Variants in DCAKD observed in about 807,000 individuals in gnomAD.
The protein encoded by DCAKD is dephospho-CoA kinase domain containing, also known as dephospho-CoA kinase domain-containing protein.
In DCAKD, 15 loss-of-function variants were observed where a neutral mutation model predicts 18.7. The ratio of observed to expected loss-of-function variants is 0.80; its 90% confidence interval spans 0.54 to 1.24. The LOEUF (loss-of-function observed/expected upper bound fraction) is 1.24. Among genes scored for constraint, DCAKD ranks in the 50% most tolerant of loss-of-function variants. The pLI is 0.00. For missense variants in DCAKD, 301 were observed against 322.0 expected (o/e 0.93, Z 0.50); for synonymous variants, 130 against 133.0 (o/e 0.98, Z 0.16).
Position 45,029,961 on chromosome 17 carries a change from G to T in DCAKD, c.404+131C>A. On this transcript the variant is annotated intron_variant, in intron 4 of 4. Coordinates refer to ENST00000651974, the MANE Select transcript of DCAKD (RefSeq NM_001288655.2). ...ACAAAGGTTGGTTTCTACAGACCCT[G>T]AGCACTGCTGCCCAAACCCCCATGC... 3 of 811,984 alleles carry T rather than the reference G, an allele frequency of 3.7e-6. No homozygotes were observed. In the Admixed American group the frequency reaches 5.3e-5, roughly 14 times the overall value. The allele number at this position is 811,984 out of a possible 1,614,324, so 50.3% of individuals were successfully genotyped here.
intron 1 of DCAKD, among the ~76,000 whole-genome samples, chr17:45,039,963 C>T (rs113096033): frequency 0.011 from 1,665 of 152,042 alleles, 30 homozygotes; most frequent in African/African-American, 0.038. Flanking sequence ...CGTGGTGGTG[C>T]ATGCCTGTAA....
chr17:45,047,090 C>T (rs2053586419), intron 1 of DCAKD, among the ~76,000 whole-genome samples: 1 of 150,960 alleles, frequency 6.6e-6, no homozygotes, highest in Non-Finnish European at 1.5e-5. Context: ...ATTTTTCGGC[C>T]CATAATTCAG....
At chr17:45,040,820 A>C (rs1270769119) in intron 1 of DCAKD, among the ~76,000 whole-genome samples, 1 of 152,172 alleles carries the variant, frequency 6.6e-6, no homozygotes, top group Non-Finnish European at 1.5e-5. Flanking sequence ...TGTGCTCCAC[A>C]AGTGGTGGGC....
rs749261104 is a variant in DCAKD at position 45,024,554 on chromosome 17, A to G, written c.575T>C (p.Leu192Ser). ...CAGGGAGCGCTCCAGCTCAGTGTGC[A>G]AGAGGATGACCTGGCGTTTGGTGAC... ...WSVTKRQVIL[L>S]HTELERSLEY... is the part of the protein sequence containing the mutation. The change falls in exon 5 of 5, where the codon TTG becomes TCG. Residue 192 changes from leucine to serine, a missense_variant. Physicochemically the swap from Leu to Ser is moderately radical, Grantham distance 145. Coordinates refer to ENST00000651974, the MANE Select transcript of DCAKD (RefSeq NM_001288655.2). 7 of 1,614,036 alleles carry G rather than the reference A, an allele frequency of 4.3e-6. No individual in the cohort carries two copies. The highest frequency in any genetic ancestry group is 5.9e-6 in the Non-Finnish European group (7 of 1,180,028).
intron 3 of DCAKD, among the ~76,000 whole-genome samples, chr17:45,032,720 T>C (rs1597949966): frequency 1.3e-5 from 2 of 149,790 alleles, no homozygotes; most frequent in South Asian, 2.1e-4. Flanking sequence ...GGAAGGGAGG[T>C]TGCAGTGAGC....
At chr17:45,057,184 T>C (rs2053790562) in intron 1 of DCAKD, among the ~76,000 whole-genome samples, 1 of 151,930 alleles carries the variant, frequency 6.6e-6, no homozygotes. Context: ...GCTAGAACCA[T>C]AGGTGCATGC....
intron 1 of DCAKD, among the ~76,000 whole-genome samples, chr17:45,047,921 C>T (rs755891427): frequency 6.6e-6 from 1 of 152,102 alleles, no homozygotes; most frequent in African/African-American, 2.4e-5. Context: ...GAGAAATACT[C>T]AAATAAAACT....
At chr17:45,054,311 G>C (rs1420891536), upstream of DCAKD, among the ~76,000 whole-genome samples, 3 of 151,548 alleles carry the variant, frequency 2.0e-5, no homozygotes, top group African/African-American at 7.3e-5. Context: ...ACAATGGCGT[G>C]ATCTCAGCTC....
At chr17:45,027,205 A>G (rs2053074312) in intron 4 of DCAKD, among the ~76,000 whole-genome samples, 1 of 152,176 alleles carries the variant, frequency 6.6e-6, no homozygotes, top group Non-Finnish European at 1.5e-5. Flanking sequence ...GTCAGATGTG[A>G]TGCTGCATGC....
chr17:45,029,393 T>C (rs995790954), intron 4 of DCAKD, among the ~76,000 whole-genome samples: 1 of 152,254 alleles, frequency 6.6e-6, no homozygotes, highest in African/African-American at 2.4e-5. Flanking sequence ...CAGAGCCAAG[T>C]GCCCACCTAT....
At chr17:45,047,021 A>T (rs2053585173) in intron 1 of DCAKD, among the ~76,000 whole-genome samples, 1 of 152,104 alleles carries the variant, frequency 6.6e-6, no homozygotes, top group Non-Finnish European at 1.5e-5. Flanking sequence ...GGCCTTCAAG[A>T]AAGTTAAAGG....
chr17:45,040,458 T>G (rs1247554850), intron 1 of DCAKD, among the ~76,000 whole-genome samples: 1 of 151,446 alleles, frequency 6.6e-6, no homozygotes, highest in Non-Finnish European at 1.5e-5. Flanking sequence ...CCTGGGAATC[T>G]TCCTCCTCAA....
chr17:45,024,643 C>CT lies in DCAKD; in HGVS notation c.485dup (p.Leu163AlafsTer33). 6.2e-7 allele frequency: 1 copy of CT among 1,612,998 alleles called. No homozygotes were observed. The highest frequency in any genetic ancestry group is 8.5e-7 in the Non-Finnish European group (1 of 1,179,134). ...TGCGGGCCTTGTCTGTCAGGGGCAGCTGGGCATTGATGCGGGCCTCTGCGT... is the reference window on the plus strand; with the variant it reads ...TGCGGGCCTTGTCTGTCAGGGGCAGCTTGGGCATTGATGCGGGCCTCTGCGT... On this transcript the variant is annotated frameshift_variant, in exon 5 of 5. Coordinates refer to ENST00000651974, the MANE Select transcript of DCAKD (RefSeq NM_001288655.2). LOFTEE classifies it high-confidence loss of function.
At chr17:45,031,707 C>T (rs976599172) in intron 3 of DCAKD, 179 of 985,256 alleles carry the variant, frequency 1.8e-4, no homozygotes, top group Non-Finnish European at 2.1e-4. Flanking sequence ...CTGGGGAGTA[C>T]GTGGTCAGCT....
intron 2 of DCAKD, 105 bp from the exon 3 acceptor site, chr17:45,034,495 C>T (rs2053245548): frequency 7.5e-7 from 1 of 1,328,910 alleles, no homozygotes; most frequent in African/African-American, 1.5e-5. Flanking sequence ...GTGCTTCTTT[C>T]AGGTGGAGCA....
At chr17:45,040,188 G>A (rs1285177394) in intron 1 of DCAKD, among the ~76,000 whole-genome samples, 1 of 151,502 alleles carries the variant, frequency 6.6e-6, no homozygotes, top group Non-Finnish European at 1.5e-5. Flanking sequence ...AGGAGTTCGA[G>A]ACCAGCCTGA....
At chr17:45,025,125 C>T (rs1274427870) in intron 4 of DCAKD, among the ~76,000 whole-genome samples, 1 of 150,816 alleles carries the variant, frequency 6.6e-6, no homozygotes, top group African/African-American at 2.4e-5. Flanking sequence ...CATCCTGGAT[C>T]CCTGGATGGG....
rs2053602178 is a variant in DCAKD at position 45,047,701 on chromosome 17, C to T, written c.-115+3660G>A. Among the ~76,000 whole-genome samples the T allele has an allele frequency of 1.3e-5, 2 of 151,954 alleles. 1 individual carries two copies. Among genetic ancestry groups the T allele is most frequent in the South Asian group, 4.1e-4 (2 of 4,824 alleles). ...TGTATCTTTAGTACAGACGGGGTTT[C>T]GGCATGTTGGTCAGGCTGGTCTTGA... On this transcript the variant is annotated intron_variant, in intron 1 of 4. Transcript: ENST00000651974.
chr17:45,057,598 G>A (rs2053796169), intron 1 of DCAKD, among the ~76,000 whole-genome samples: 1 of 151,430 alleles, frequency 6.6e-6, no homozygotes, highest in African/African-American at 2.4e-5. Flanking sequence ...AGCTACTCGG[G>A]AGGTTGAGGC....
Sources: allele counts gnomAD v4.1 joint callset (sites outside exome capture counted in the v4.1 genomes callset), GRCh38; gene constraint gnomAD v4.1.1; transcripts MANE v1.5; gene names NCBI Gene and HGNC (gene_info 2026-07-23, HGNC 2026-07-21).